MECR: variants seen among roughly 807,000 people sequenced by gnomAD.
The protein encoded by MECR is mitochondrial trans-2-enoyl-CoA reductase.
In MECR, 37 loss-of-function variants were observed where a neutral mutation model predicts 49.1. The observed-to-expected ratio is 0.75, with a 90% confidence interval of 0.58 to 0.99. The LOEUF (loss-of-function observed/expected upper bound fraction) is 0.99, where lower values mean the gene tolerates loss of function less well. Among genes scored for constraint, MECR ranks in the 50% least tolerant of loss-of-function variants. The pLI, the probability that MECR is intolerant of heterozygous loss-of-function variation, is 0.00. For missense variants in MECR, 470 were observed against 479.6 expected (o/e 0.98, Z 0.19); for synonymous variants, 198 against 191.1 (o/e 1.04, Z -0.30).
At position 29,206,864 on chromosome 1, in the gene MECR, T is replaced by C. The variant is rs766872561; in HGVS notation, c.448A>G (p.Ile150Val). The C allele has an allele frequency of 3.7e-6, 6 of 1,614,158 alleles. No individual in the cohort carries two copies. The highest frequency in any genetic ancestry group is 5.1e-6 in the Non-Finnish European group (6 of 1,180,030). The change falls in exon 4 of 10, where the codon ATC becomes GTC. Residue 150 changes from isoleucine (I) to valine (V), a missense_variant. Transcript: ENST00000263702. ...AGAGGGATGTCACTCGGAACTTGGA[T>C]CAGTGCTTCCTCGCTGAACACAGCC... ...TEAVFSEEALIQVPSDIPLQS... is the reference protein window; with the variant it reads ...TEAVFSEEALVQVPSDIPLQS...
chr1:29,173,691 C>A, the MECR span, among the ~76,000 whole-genome samples: 1 of 149,364 alleles, frequency 6.7e-6, no homozygotes, highest in Admixed American at 6.7e-5. Flanking sequence ...TCAAGTGATC[C>A]GCCCACCTCA....
chr1:29,196,261 GA>G lies in MECR; in HGVS notation c.831-4del. On this transcript the variant is annotated splice_region_variant and splice_polypyrimidine_tract_variant and intron_variant, in intron 7 of 9. Coordinates refer to ENST00000263702, the MANE Select transcript of MECR (RefSeq NM_016011.5). ...AGGTTACCATGGTTCCTCCACGCCT[GA>G]AAAGTCCAAAGAGAACAAAGAGTGG... The G allele has an allele frequency of 6.2e-7, 1 of 1,610,854 alleles. No individual in the cohort carries two copies. Among genetic ancestry groups the G allele is most frequent in the South Asian group, 1.1e-5 (1 of 90,814 alleles).
the MECR span, among the ~76,000 whole-genome samples, chr1:29,178,413 G>A: frequency 8.3e-4 from 119 of 142,968 alleles, no homozygotes; most frequent in African/African-American, 3.0e-3. Flanking sequence ...GCACGATCTC[G>A]GCTCACTGCA....
At chr1:29,169,291 C>T in the MECR span, 1 of 152,230 alleles carries the variant, frequency 6.6e-6, no homozygotes. Context: ...CATTCTACCA[C>T]CACGTTTTAA....
rs1212233211 is a variant in MECR, at chr1:29,206,858, C to T, written c.454G>A (p.Val152Ile). Residue 152 changes from valine to isoleucine, a missense_variant, in exon 4 of 10, where the codon GTT (valine) becomes ATT (isoleucine). By Grantham distance (29) the Val-to-Ile change is conservative. Coordinates refer to ENST00000263702, the MANE Select transcript of MECR (RefSeq NM_016011.5). ...CTCTGAAGAGGGATGTCACTCGGAA[C>T]TTGGATCAGTGCTTCCTCGCTGAAC... ...AVFSEEALIQVPSDIPLQSAA... is the reference protein window; with the variant it reads ...AVFSEEALIQIPSDIPLQSAA... 6.2e-7 allele frequency: 1 copy of T among 1,614,060 alleles called. No individual in the cohort carries two copies. Among genetic ancestry groups the T allele is most frequent in the Non-Finnish European group, 8.5e-7 (1 of 1,180,024 alleles).
chr1:29,174,906 T>G, the MECR span, among the ~76,000 whole-genome samples: 1 of 151,306 alleles, frequency 6.6e-6, no homozygotes, highest in Non-Finnish European at 1.5e-5. Flanking sequence ...TCTCTTGACC[T>G]TGTGATCTGC....
In MECR at chr1:29,206,793, C is replaced by T; in HGVS notation, c.519G>A (p.Arg173=). ...GCAGTTGCTCGAAGTCCATCAACAT[C>T]CTGTAGGCTGTGCAGGGATTGACAC... ...TLGVNPCTAY[R]MLMDFEQLQP... Residue 173 remains arginine (R), a synonymous_variant, in exon 4 of 10, where the codon AGG becomes AGA. Coordinates refer to ENST00000263702, the MANE Select transcript of MECR (RefSeq NM_016011.5). The T allele has an allele frequency of 6.2e-7, 1 of 1,614,180 alleles. No homozygotes were observed. The highest frequency in any genetic ancestry group is 1.3e-5 in the African/African-American group (1 of 75,046).
the MECR span, among the ~76,000 whole-genome samples, chr1:29,184,114 G>A: frequency 1.4e-5 from 2 of 146,358 alleles, no homozygotes; most frequent in Non-Finnish European, 3.0e-5. Flanking sequence ...TCCTGACCTC[G>A]TGATCTGCCT....
Position 29,201,897 on chromosome 1 carries a change from G to T in MECR, c.756+46C>A. The T allele has an allele frequency of 6.9e-7, 1 of 1,452,366 alleles. No individual in the cohort carries two copies. Among genetic ancestry groups the T allele is most frequent in the Non-Finnish European group, 9.7e-7 (1 of 1,033,582 alleles). 90.0% of individuals were successfully genotyped at this position (1,452,366 alleles called of 1,614,324 possible). A position where few individuals can be genotyped will look rare whatever the true frequency, so the allele number is the denominator to read the frequency against. On this transcript the variant is annotated intron_variant, in intron 6 of 9. Transcript: ENST00000263702. This position sits in a 1 kb window ranked among gnomAD's most constrained non-coding sequence, Gnocchi z 4.3. ...TCTAATGCATGTCAACTTTCTTCAG[G>T]GAGATGTGCGTGGACTGGAGGGGCA...
chr1:29,212,548 C>T (rs1041577999), intron 3 of MECR, among the ~76,000 whole-genome samples: 3 of 152,192 alleles, frequency 2.0e-5, no homozygotes, highest in Admixed American at 1.3e-4. Flanking sequence ...CTTCTCCAAA[C>T]TGAAAGTATT....
chr1:29,209,528 G>A (rs560310528), intron 3 of MECR, among the ~76,000 whole-genome samples: 41 of 152,282 alleles, frequency 2.7e-4, no homozygotes, highest in African/African-American at 9.6e-4. Context: ...TGGGGGTCGA[G>A]GTATGAGATG....
chr1:29,192,780 C>T lies in MECR; in HGVS notation c.*1242G>A, dbSNP rs1430206936. The T allele has an allele frequency of 6.6e-6, 1 of 152,174 alleles. No homozygotes were observed. Among genetic ancestry groups the T allele is most frequent in the Non-Finnish European group, 1.5e-5 (1 of 68,026 alleles). The allele number at this position is 152,174 out of a possible 1,614,324, so 9.4% of individuals were successfully genotyped here. On this transcript the variant is annotated 3_prime_UTR_variant, in exon 10 of 10. Transcript: ENST00000263702. Reference sequence around the variant, plus strand: ...GAGAGCCCACCTTCAAACTTCACCTCAAGGAAGCATACCCCTGTCCCTGGG... The same window carrying T: ...GAGAGCCCACCTTCAAACTTCACCTTAAGGAAGCATACCCCTGTCCCTGGG...
At chr1:29,186,020 C>T in the MECR span, among the ~76,000 whole-genome samples, 8 of 152,058 alleles carry the variant, frequency 5.3e-5, no homozygotes, top group Non-Finnish European at 1.0e-4. Flanking sequence ...CAAAAAACCA[C>T]GAAAACAAAA....
chr1:29,228,381 CTT>C (rs1312096745), intron 1 of MECR, among the ~76,000 whole-genome samples: 1 of 137,996 alleles, frequency 7.2e-6, no homozygotes, highest in African/African-American at 2.7e-5. Flanking sequence ...GAGAGGAAGT[CTT>C]GCTCTGTTAC....
At chr1:29,184,025 C>T in the MECR span, among the ~76,000 whole-genome samples, 1,369 of 149,416 alleles carry the variant, frequency 9.2e-3, 12 homozygotes, top group Middle Eastern at 0.051. Context: ...ATTACAGGCA[C>T]CTGCCACCAC....
At position 29,230,813 on chromosome 1, in the gene MECR, A is replaced by C. The variant is rs747260338; in HGVS notation, c.94T>G (p.Ser32Ala). The change falls in exon 1 of 10, where the codon TCC becomes GCC. Residue 32 changes from serine to alanine, a missense_variant. Transcript: ENST00000263702. ...PASGCHGPAA[S>A]SYSASAEPAR... ...GGCTCGGCGGATGCGGAGTAGGAGG[A>C]GGCGGCAGGTCCGTGACAGCCAGAA... 2.5e-6 allele frequency: 4 copies of C among 1,607,848 alleles called. No individual in the cohort carries two copies. The highest frequency in any genetic ancestry group is 1.1e-5 in the South Asian group (1 of 90,472).
At chr1:29,180,699 CCCTA>C in the MECR span, among the ~76,000 whole-genome samples, 4 of 152,314 alleles carry the variant, frequency 2.6e-5, no homozygotes, top group South Asian at 6.2e-4. Context: ...GCCTTCCAAG[CCCTA>C]CCTAACATCT....
downstream of MECR, among the ~76,000 whole-genome samples, chr1:29,190,447 G>A (rs998483569): frequency 4.6e-5 from 7 of 152,106 alleles, no homozygotes; most frequent in South Asian, 1.5e-3. Context: ...TATAAGGAGG[G>A]TGGAAGGGGA....
chr1:29,226,167 T>TAAAA (rs57234529), intron 1 of MECR, among the ~76,000 whole-genome samples: 1 of 44,398 alleles, frequency 2.3e-5, no homozygotes, highest in African/African-American at 8.9e-5. Flanking sequence ...AGGCTCTATC[T>TAAAA]AAAAAAAAAA....
Sources: gnomAD v4.1 joint callset for allele counts (sites outside exome capture counted in the v4.1 genomes callset) on GRCh38, gnomAD v4.1.1 for gene constraint, Gnocchi (gnomAD v3.1) non-coding constraint, MANE v1.5 for transcripts, NCBI Gene and HGNC (gene_info 2026-07-23, HGNC 2026-07-21) for gene names.